CTNNA2: variants seen among roughly 807,000 people sequenced by gnomAD.
CTNNA2 encodes the protein catenin alpha 2.
CTNNA2 carries 42 observed loss-of-function variants against 101.0 expected under a neutral mutation model. That is an observed-to-expected ratio of 0.42 (90% CI 0.32 to 0.54). The LOEUF is 0.54. Ranked by LOEUF, CTNNA2 falls within the 20% of genes least tolerant of loss-of-function variation. The pLI is 0.14. For synonymous variants in CTNNA2, 450 were observed against 456.4 expected, an observed-to-expected ratio of 0.99 and a Z score of 0.18; for missense variants, 871 against 1,223.1, an observed-to-expected ratio of 0.71 and a Z score of 4.29.
chr2:80,069,486 A>C (rs1281634421), intron 7 of CTNNA2, among the ~76,000 whole-genome samples: 1 of 152,224 alleles, frequency 6.6e-6, no homozygotes, highest in Non-Finnish European at 1.5e-5. Flanking sequence ...AATTCCATCT[A>C]ACATGATACA....
intron 7 of CTNNA2, among the ~76,000 whole-genome samples, chr2:80,351,655 G>C (rs901960531): frequency 3.3e-5 from 5 of 152,074 alleles, no homozygotes; most frequent in African/African-American, 1.2e-4. Context: ...AAGCAGAGGG[G>C]CGTTAATTTC....
chr2:79,292,976 A>G (rs891638776), intron 2 of CTNNA2: 1 of 152,256 alleles, frequency 6.6e-6, no homozygotes, highest in African/African-American at 2.4e-5. Context: ...TATTGCCTGC[A>G]TTCTGCAGCC....
At chr2:79,879,525 G>A (rs978226976) in intron 6 of CTNNA2, among the ~76,000 whole-genome samples, 1 of 151,938 alleles carries the variant, frequency 6.6e-6, no homozygotes, top group Non-Finnish European at 1.5e-5. Flanking sequence ...TCCTTGAAGA[G>A]GTCCTTCACA....
At chr2:79,615,255 A>G (rs1387061816) in intron 1 of CTNNA2, among the ~76,000 whole-genome samples, 1 of 152,146 alleles carries the variant, frequency 6.6e-6, no homozygotes, top group Non-Finnish European at 1.5e-5. Flanking sequence ...GGTATAATTT[A>G]TTTCTAAATG....
intron 4 of CTNNA2, among the ~76,000 whole-genome samples, chr2:79,422,849 A>G (rs1342687422): frequency 1.3e-5 from 2 of 152,244 alleles, no homozygotes; most frequent in Non-Finnish European, 2.9e-5. Flanking sequence ...GAATTTAACA[A>G]TGTAGGAAGA....
chr2:80,596,261 T>C (rs1420923809), intron 15 of CTNNA2, among the ~76,000 whole-genome samples: 2 of 145,192 alleles, frequency 1.4e-5, no homozygotes, highest in East Asian at 4.1e-4. Flanking sequence ...AGGAGTTTTT[T>C]TGGGCTGAGA....
At chr2:80,622,522 T>A (rs1339659000) in intron 18 of CTNNA2, among the ~76,000 whole-genome samples, 1 of 151,840 alleles carries the variant, frequency 6.6e-6, no homozygotes, top group Admixed American at 6.6e-5. Flanking sequence ...AGTTTCTCCA[T>A]CCTTTAACAG....
At chr2:80,363,416 G>A (rs1448919272) in intron 7 of CTNNA2, among the ~76,000 whole-genome samples, 1 of 152,130 alleles carries the variant, frequency 6.6e-6, no homozygotes, top group Non-Finnish European at 1.5e-5. Flanking sequence ...AAAATCTCAA[G>A]CATGCTACAT....
chr2:79,513,749 G>A (rs1195555219), intron 1 of CTNNA2, among the ~76,000 whole-genome samples: 2 of 152,046 alleles, frequency 1.3e-5, no homozygotes, highest in Admixed American at 1.3e-4. Context: ...GGGGTGGGGA[G>A]GGTTGTCACT....
intron 7 of CTNNA2, among the ~76,000 whole-genome samples, chr2:80,252,392 C>T (rs1221550943): frequency 6.6e-6 from 1 of 152,098 alleles, no homozygotes; most frequent in African/African-American, 2.4e-5. Flanking sequence ...TTATTCCTTG[C>T]TTTGTGAGGT....
chr2:79,970,978 G>A (rs535412426), intron 7 of CTNNA2, among the ~76,000 whole-genome samples: 9 of 152,108 alleles, frequency 5.9e-5, no homozygotes, highest in Non-Finnish European at 8.8e-5. Context: ...TATCAATTTA[G>A]CAAGGACATT....
At chr2:79,428,036 T>G (rs1401790016) in intron 4 of CTNNA2, among the ~76,000 whole-genome samples, 1 of 152,170 alleles carries the variant, frequency 6.6e-6, no homozygotes, top group East Asian at 1.9e-4. Flanking sequence ...TGGGGCTCCC[T>G]TTCTCAAAAC....
chr2:79,487,527 AGAACCC>A (rs1671169618), intron 4 of CTNNA2, among the ~76,000 whole-genome samples: 1 of 152,210 alleles, frequency 6.6e-6, no homozygotes, highest in Non-Finnish European at 1.5e-5. Flanking sequence ...GCTCCATCTG[AGAACCC>A]AGATAGCACG....
At chr2:79,488,641 C>T (rs1444708112) in intron 4 of CTNNA2, among the ~76,000 whole-genome samples, 1 of 152,154 alleles carries the variant, frequency 6.6e-6, no homozygotes, top group Non-Finnish European at 1.5e-5. Context: ...CCTTCAGAAC[C>T]TTCTGGATTA....
At chr2:80,199,582 G>C (rs1314972028) in intron 7 of CTNNA2, among the ~76,000 whole-genome samples, 1 of 152,214 alleles carries the variant, frequency 6.6e-6, no homozygotes, top group Non-Finnish European at 1.5e-5. Flanking sequence ...GTGAGAGCCA[G>C]AATGAGGGAA....
At chr2:79,839,031 T>G (rs1265881215) in intron 3 of CTNNA2, among the ~76,000 whole-genome samples, 1 of 152,074 alleles carries the variant, frequency 6.6e-6, no homozygotes, top group Non-Finnish European at 1.5e-5. Flanking sequence ...TTATACATAT[T>G]AATTTATTAA....
intron 7 of CTNNA2, among the ~76,000 whole-genome samples, chr2:80,233,905 C>T (rs1709398428): frequency 6.6e-6 from 1 of 152,082 alleles, no homozygotes; most frequent in Admixed American, 6.6e-5. Flanking sequence ...TTGTAGGAGG[C>T]TATATCTAGT....
intron 1 of CTNNA2, among the ~76,000 whole-genome samples, chr2:79,538,104 A>C (rs999681386): frequency 1.3e-5 from 2 of 152,202 alleles, no homozygotes; most frequent in African/African-American, 2.4e-5. Flanking sequence ...TTAAAACACT[A>C]AGATAGTTTG....
At chr2:79,900,645 G>A (rs1307632781) in intron 6 of CTNNA2, among the ~76,000 whole-genome samples, 1 of 152,082 alleles carries the variant, frequency 6.6e-6, no homozygotes, top group Non-Finnish European at 1.5e-5. Flanking sequence ...TAATGCTTGG[G>A]AGGAAGAAGG....
Sources: gnomAD v4.1 joint callset for allele counts (sites outside exome capture counted in the v4.1 genomes callset) on GRCh38, gnomAD v4.1.1 for gene constraint, MANE v1.5 for transcripts, NCBI Gene and HGNC (gene_info 2026-07-23, HGNC 2026-07-21) for gene names.